CCDC178: variants seen among roughly 807,000 people sequenced by gnomAD.
CCDC178 encodes coiled-coil domain-containing protein 178.
CCDC178 carries 126 observed loss-of-function variants against 117.4 expected under a neutral mutation model. The observed-to-expected ratio is 1.07, with a 90% CI of 0.93 to 1.24. The LOEUF is 1.24. Among genes scored for constraint, CCDC178 ranks in the 50% most tolerant of loss-of-function variants. The pLI, the probability that CCDC178 is intolerant of heterozygous loss-of-function variation, is 0.00. For synonymous variants in CCDC178, 283 were observed against 313.4 expected, an observed-to-expected ratio of 0.90 and a Z score of 1.02; for missense variants, 1,030 against 986.9, an observed-to-expected ratio of 1.04 and a Z score of -0.59.
At chr18:33,235,032 C>A (rs2059411253) in intron 15 of CCDC178, among the ~76,000 whole-genome samples, 1 of 152,038 alleles carries the variant, frequency 6.6e-6, no homozygotes, top group South Asian at 2.1e-4. Context: ...AGAAATTATG[C>A]CCTCCAAGAA....
At chr18:32,990,393 G>T (rs750783476) in intron 21 of CCDC178, among the ~76,000 whole-genome samples, 1 of 152,084 alleles carries the variant, frequency 6.6e-6, no homozygotes, top group Non-Finnish European at 1.5e-5. Context: ...GTATGTTTTG[G>T]TATAAGAATA....
intron 22 of CCDC178, among the ~76,000 whole-genome samples, chr18:32,969,533 C>T (rs183300442): frequency 6.6e-6 from 1 of 152,074 alleles, no homozygotes; most frequent in Non-Finnish European, 1.5e-5. Context: ...CTATATATAC[C>T]AACCCTTACT....
Position 33,346,270 on chromosome 18 carries a change from A to G in CCDC178, c.599T>C (p.Met200Thr). Residue 200 changes from methionine to threonine, a missense_variant, in exon 9 of 23, where the codon ATG (methionine) becomes ACG (threonine). Transcript: ENST00000383096. ...QQRSRKNMIN[M>T]KIDSWSVWKL... The stretch of plus-strand genomic sequence containing the variant: ...CCAGACTGACCAAGAGTCAATTTTC[A>G]TGTTAATCATATTCTTTCTTGATCT... 1.2e-6 allele frequency: 2 copies of G among 1,613,836 alleles called. No homozygotes were observed. The highest frequency in any genetic ancestry group is 1.7e-6 in the Non-Finnish European group (2 of 1,179,826).
At chr18:33,346,096 G>C (rs1382480895) in intron 9 of CCDC178, 115 bp downstream of exon 9, 1 of 696,964 alleles carries the variant, frequency 1.4e-6, no homozygotes, top group Admixed American at 3.2e-5. Context: ...CAAAGCGTGG[G>C]ATTACAGGCA....
chr18:33,301,718 G>A (rs950731848), intron 11 of CCDC178, among the ~76,000 whole-genome samples: 2 of 152,018 alleles, frequency 1.3e-5, no homozygotes, highest in Non-Finnish European at 2.9e-5. Flanking sequence ...TCTTTCTTTC[G>A]ACCAATTTCT....
At chr18:33,388,816 G>T (rs976665080) in intron 5 of CCDC178, among the ~76,000 whole-genome samples, 1 of 152,030 alleles carries the variant, frequency 6.6e-6, no homozygotes, top group African/African-American at 2.4e-5. Context: ...CCATAAAAAG[G>T]AACGAGATCA....
chr18:32,997,144 C>CTAG (rs2055530028), intron 21 of CCDC178, among the ~76,000 whole-genome samples: 1 of 152,050 alleles, frequency 6.6e-6, no homozygotes, highest in Admixed American at 6.6e-5. Flanking sequence ...TTAAATAACC[C>CTAG]TAGTACTATT....
intron 20 of CCDC178, among the ~76,000 whole-genome samples, chr18:33,133,809 G>T (rs1202664175): frequency 1.3e-5 from 2 of 151,786 alleles, no homozygotes; most frequent in Non-Finnish European, 2.9e-5. Flanking sequence ...AAAATTTCTG[G>T]GACGTTTTCC....
chr18:32,955,306 G>A (rs2054571378), intron 22 of CCDC178, among the ~76,000 whole-genome samples: 1 of 152,122 alleles, frequency 6.6e-6, no homozygotes, highest in Admixed American at 6.6e-5. Context: ...CTCACCCATA[G>A]CTAAAGCCCA....
At chr18:33,415,161 G>T (rs934341854) in intron 2 of CCDC178, among the ~76,000 whole-genome samples, 6 of 152,148 alleles carry the variant, frequency 3.9e-5, no homozygotes, top group African/African-American at 1.2e-4. Context: ...CAAGGATCTA[G>T]AACTGGAAAT....
chr18:33,393,194 T>C (rs974786668), intron 4 of CCDC178, among the ~76,000 whole-genome samples: 4 of 152,220 alleles, frequency 2.6e-5, no homozygotes, highest in Non-Finnish European at 5.9e-5. Flanking sequence ...GAATATTTCA[T>C]ATGTATGCCT....
At chr18:33,201,563 G>C (rs2058989236) in intron 20 of CCDC178, among the ~76,000 whole-genome samples, 1 of 152,194 alleles carries the variant, frequency 6.6e-6, no homozygotes, top group South Asian at 2.1e-4. Flanking sequence ...TGCCAGCCTG[G>C]AGCACAGACT....
At chr18:33,408,975 G>C (rs531958299) in intron 3 of CCDC178, among the ~76,000 whole-genome samples, 1 of 152,052 alleles carries the variant, frequency 6.6e-6, no homozygotes, top group Non-Finnish European at 1.5e-5. Flanking sequence ...AAATACTATT[G>C]GTCAGCTTGT....
At position 33,327,713 on chromosome 18, in the gene CCDC178, A is replaced by G. The variant is rs1268109123; in HGVS notation, c.880-4080T>C. Among the ~76,000 whole-genome samples the G allele has an allele frequency of 2.0e-5, 3 of 152,066 alleles. No homozygotes were observed. The East Asian group carries it at 5.8e-4, about 29-fold the overall frequency. ...TAAAGACTAATGATGTTGAACATAC[A>G]TCTTTTCATGTGTTTGCTGCCCATT... On this transcript the variant is annotated intron_variant, in intron 10 of 22. Transcript: ENST00000383096.
At chr18:33,056,027 T>C (rs1361212933) in intron 21 of CCDC178, among the ~76,000 whole-genome samples, 1 of 152,140 alleles carries the variant, frequency 6.6e-6, no homozygotes, top group Non-Finnish European at 1.5e-5. Flanking sequence ...GGTCTCAAAC[T>C]CCTGACCTCA....
intron 2 of CCDC178, among the ~76,000 whole-genome samples, chr18:33,419,507 T>C (rs2063994145): frequency 6.6e-6 from 1 of 152,096 alleles, no homozygotes; most frequent in South Asian, 2.1e-4. Flanking sequence ...ACCCACAGAA[T>C]GGGAGAAAAT....
chr18:33,356,207 G>T, intron 7 of CCDC178, 117 bp downstream of exon 7: 2 of 1,054,504 alleles, frequency 1.9e-6, no homozygotes, highest in Non-Finnish European at 2.6e-6. Context: ...AATATCTATT[G>T]TGAAAAATCT....
intron 2 of CCDC178, among the ~76,000 whole-genome samples, chr18:33,438,368 A>G (rs543276571): frequency 9.2e-5 from 14 of 152,308 alleles, no homozygotes; most frequent in African/African-American, 2.6e-4. Flanking sequence ...TCTCTGTCCA[A>G]TGCAAGTAAT....
intron 21 of CCDC178, 66 bp downstream of exon 21, chr18:33,092,695 C>T (rs2057485503): frequency 8.6e-7 from 1 of 1,158,964 alleles, no homozygotes; most frequent in Non-Finnish European, 1.2e-6. Flanking sequence ...AAACTGACTA[C>T]TTTTTACTTT....
Sources: gnomAD v4.1 joint callset for allele counts (sites outside exome capture counted in the v4.1 genomes callset) on GRCh38, gnomAD v4.1.1 for gene constraint, MANE v1.5 for transcripts, NCBI Gene and HGNC (gene_info 2026-07-23, HGNC 2026-07-21) for gene names.